The following RPS29 variants were observed in gnomAD, a reference collection of about 807,000 sequenced individuals.
The protein encoded by RPS29 is small ribosomal subunit protein uS14.
For synonymous variants in RPS29, 37 were observed against 26.9 expected, an observed-to-expected ratio of 1.37 and a Z score of -1.16; for missense variants, 60 against 75.7, an observed-to-expected ratio of 0.79 and a Z score of 0.77.
At chr14:49,587,673 C>A (rs1436607414), upstream of RPS29, among the ~76,000 whole-genome samples, 2 of 152,226 alleles carry the variant, frequency 1.3e-5, no homozygotes, top group Admixed American at 1.3e-4. Flanking sequence ...ACAGGATTAT[C>A]TCCAAGACTT....
At chr14:49,588,823 C>T (rs923762316), upstream of RPS29, among the ~76,000 whole-genome samples, 1 of 151,194 alleles carries the variant, frequency 6.6e-6, no homozygotes, top group African/African-American at 2.4e-5. Context: ...GCCACCACGC[C>T]CGGCCTAAGA....
chr14:49,598,699 C>G (rs1881901773), upstream of RPS29: 2 of 699,720 alleles, frequency 2.9e-6, no homozygotes, highest in Admixed American at 2.0e-5. Context: ...ACAGAAACAA[C>G]CACCGCTGCC....
chr14:49,597,664 T>C (rs1881863709), intron 1 of RPS29: 1 of 151,788 alleles, frequency 6.6e-6, no homozygotes, highest in African/African-American at 2.4e-5. Flanking sequence ...AATTTCTTTT[T>C]TTTTTTTGAG....
chr14:49,583,991 A>AT (rs942896590), intron 2 of RPS29, among the ~76,000 whole-genome samples: 147 of 149,942 alleles, frequency 9.8e-4, no homozygotes, highest in South Asian at 2.1e-3. Context: ...ACAGTTCATC[A>AT]TTTTTTTTTT....
chr14:49,577,894 A>AT (rs756249104), intron 2 of RPS29: 2 of 1,454,990 alleles, frequency 1.4e-6, no homozygotes, highest in Non-Finnish European at 1.9e-6. Context: ...TGAAAAAGCA[A>AT]TGATGCCCAA....
chr14:49,572,743 A>G (rs928632376), exon 3 of RPS29: 1 of 152,218 alleles, frequency 6.6e-6, no homozygotes, highest in Admixed American at 6.5e-5. Flanking sequence ...TCTCCTGACC[A>G]TGTAGAAAAC....
chr14:49,590,425 G>A (rs1212234381), upstream of RPS29, among the ~76,000 whole-genome samples: 7 of 151,892 alleles, frequency 4.6e-5, no homozygotes, highest in Non-Finnish European at 2.9e-5. Context: ...GCAGTGAGCC[G>A]AGATTGCGCC....
chr14:49,588,727 C>A (rs2139517499), upstream of RPS29, among the ~76,000 whole-genome samples: 1 of 151,902 alleles, frequency 6.6e-6, no homozygotes, highest in Middle Eastern at 3.4e-3. Context: ...TGGGGTTTCA[C>A]CATGTTGGCT....
chr14:49,586,485 G>T, upstream of RPS29: 1 of 744,668 alleles, frequency 1.3e-6, no homozygotes, highest in East Asian at 2.7e-5. Flanking sequence ...TTCGCTGGGT[G>T]AGTAAAATGA....
At chr14:49,581,997 C>A, downstream of RPS29, among the ~76,000 whole-genome samples, 1 of 123,942 alleles carries the variant, frequency 8.1e-6, no homozygotes, top group African/African-American at 3.5e-5. Flanking sequence ...GGTGATAGAG[C>A]AAGACCCTGC....
intron 2 of RPS29, among the ~76,000 whole-genome samples, chr14:49,584,997 C>G (rs2139512031): frequency 6.6e-6 from 1 of 152,256 alleles, no homozygotes; most frequent in East Asian, 1.9e-4. Context: ...CACTAAATGG[C>G]AGACCATTGT....
intron 2 of RPS29, 102 bp from the exon 3 acceptor site, chr14:49,583,777 C>A (rs891122637): frequency 1.4e-5 from 11 of 761,464 alleles, no homozygotes. Flanking sequence ...AATTACAGAA[C>A]TGGACCTTTG....
downstream of RPS29, among the ~76,000 whole-genome samples, chr14:49,581,430 A>G (rs191041415): frequency 9.2e-5 from 14 of 152,278 alleles, no homozygotes; most frequent in Admixed American, 2.0e-4. Context: ...TGAACTTTCT[A>G]TTCTTCCCAA....
intron 1 of RPS29, among the ~76,000 whole-genome samples, chr14:49,591,436 C>A (rs1444510062): frequency 2.0e-5 from 3 of 151,928 alleles, no homozygotes; most frequent in African/African-American, 7.3e-5. Flanking sequence ...CTCAGCCTCC[C>A]AAGTAGCTGG....
At position 49,586,320 on chromosome 14, in the gene RPS29, G is replaced by A. The variant is rs1467959353; in HGVS notation, c.27C>T (p.Ser9=). ...AACCCTGGCCGAATTTTCGCGGGTGGCTCCAGTACAGCTGCTGGTGACCCA... is the reference window on the plus strand; with the variant it reads ...AACCCTGGCCGAATTTTCGCGGGTGACTCCAGTACAGCTGCTGGTGACCCA... MGHQQLYW[S]HPRKFGQGSR... The change falls in exon 1 of 3, where the codon AGC becomes AGT. Residue 9 remains serine, a synonymous_variant. Transcript: ENST00000245458. 1 of 1,613,952 alleles carries A rather than the reference G, an allele frequency of 6.2e-7. No homozygotes were observed. The highest frequency in any genetic ancestry group is 1.7e-5 in the Admixed American group (1 of 60,022).
chr14:49,585,719 A>C (rs1881520182), intron 2 of RPS29: 1 of 517,416 alleles, frequency 1.9e-6, no homozygotes, highest in African/African-American at 1.9e-5. Flanking sequence ...CTATCTAGGT[A>C]AAAAAGGGAG....
chr14:49,584,739 G>T (rs1407934593), intron 2 of RPS29, among the ~76,000 whole-genome samples: 2 of 150,842 alleles, frequency 1.3e-5, no homozygotes. Context: ...TCCAGCCTGG[G>T]AAACAGAGGG....
intron 2 of RPS29, chr14:49,585,596 A>C (rs74369218): frequency 2.6e-6 from 1 of 378,044 alleles, no homozygotes; most frequent in Admixed American, 4.3e-5. Context: ...AAAAAAAAAA[A>C]AGAGAATAGG....
At chr14:49,576,933 A>G in exon 3 of RPS29, 1 of 152,214 alleles carries the variant, frequency 6.6e-6, no homozygotes, top group African/African-American at 2.4e-5. Context: ...TTTTCTTCCC[A>G]GTCTTAGGTA....
Sources: gnomAD v4.1 joint callset for allele counts (sites outside exome capture counted in the v4.1 genomes callset) on GRCh38, gnomAD v4.1.1 for gene constraint, MANE v1.5 for transcripts, NCBI Gene and HGNC (gene_info 2026-07-23, HGNC 2026-07-21) for gene names.